PTPRD: variants seen among roughly 807,000 people sequenced by gnomAD.
PTPRD encodes the protein protein tyrosine phosphatase receptor type D.
In PTPRD, 34 loss-of-function variants were observed where a neutral mutation model predicts 214.5. The observed-to-expected ratio is 0.16, with a 90% CI of 0.12 to 0.21. The LOEUF is 0.21. Among genes scored for constraint, PTPRD ranks in the 10% least tolerant of loss-of-function variants. The pLI, the probability that PTPRD is intolerant of heterozygous loss-of-function variation, is 1.00. For missense variants in PTPRD, 2,545 were observed against 2,398.7 expected, an observed-to-expected ratio of 1.06 and a Z score of -1.27; for synonymous variants, 1,128 against 845.7, an observed-to-expected ratio of 1.33 and a Z score of -5.79.
At chr9:9,831,931 C>A (rs764520912) in intron 5 of PTPRD, among the ~76,000 whole-genome samples, 27 of 151,770 alleles carry the variant, frequency 1.8e-4, no homozygotes, top group Non-Finnish European at 3.5e-4. Flanking sequence ...AAATGTGGAC[C>A]CAACCGCGAA....
At position 8,524,846 on chromosome 9, in the gene PTPRD, T is replaced by C. The variant is rs531171857; in HGVS notation, c.679+79A>G. The C allele has an allele frequency of 1.7e-4, 198 of 1,167,916 alleles. No homozygotes were observed. In the African/African-American group the frequency reaches 2.7e-3, roughly 16 times the overall value. 72.3% of individuals were successfully genotyped at this position (1,167,916 alleles called of 1,614,324 possible). A position where few individuals can be genotyped will look rare whatever the true frequency, so the allele number is the denominator to read the frequency against. Reference sequence around the variant, plus strand: ...CAAACCAGCTTGTTAACTACTAATATAACAACACGGACCCTGCGGCGTCTC... The same window carrying C: ...CAAACCAGCTTGTTAACTACTAATACAACAACACGGACCCTGCGGCGTCTC... On this transcript the variant is annotated intron_variant, in intron 18 of 45. Transcript: ENST00000381196.
At chr9:9,562,546 A>G (rs1051397830) in intron 8 of PTPRD, among the ~76,000 whole-genome samples, 10 of 152,058 alleles carry the variant, frequency 6.6e-5, no homozygotes, top group African/African-American at 2.4e-4. Flanking sequence ...CTCTGTTACT[A>G]TTCTGACCTC....
rs1055909650 is a variant in PTPRD, at chr9:9,378,227, A to AATATC, written c.-203+19217_-203+19221dup. On this transcript the variant is annotated intron_variant, in intron 9 of 45. Transcript: ENST00000381196. ...AACCCCTGGCAACCACTGATCGTTAAATATCTCCATAATTTTGGCTTTTCC... is the reference window on the plus strand; with the variant it reads ...AACCCCTGGCAACCACTGATCGTTAAATATCATATCTCCATAATTTTGGCTTTTCC... Among the ~76,000 whole-genome samples the AATATC allele has an allele frequency of 9.4e-4, 143 of 152,258 alleles. 1 individual carries two copies. Among genetic ancestry groups the AATATC allele is most frequent in the Middle Eastern group, 3.4e-3 (1 of 294 alleles).
At chr9:9,837,326 C>G (rs974626390) in intron 5 of PTPRD, among the ~76,000 whole-genome samples, 2 of 152,098 alleles carry the variant, frequency 1.3e-5, no homozygotes, top group East Asian at 1.9e-4. Flanking sequence ...GAGATAGTTA[C>G]AATATCTAAC....
At chr9:9,887,616 C>T (rs1321410102) in intron 5 of PTPRD, among the ~76,000 whole-genome samples, 1 of 152,092 alleles carries the variant, frequency 6.6e-6, no homozygotes, top group East Asian at 1.9e-4. Flanking sequence ...GTACCATGTA[C>T]TCAGACAAAC....
intron 34 of PTPRD, among the ~76,000 whole-genome samples, chr9:8,441,661 C>T (rs1490972319): frequency 3.3e-5 from 5 of 152,126 alleles, no homozygotes; most frequent in Non-Finnish European, 5.9e-5. Flanking sequence ...CTAGATACTG[C>T]TTTGTGCTGG....
In PTPRD at chr9:10,569,531, C is replaced by CTCTCTG. The variant is rs145886189; in HGVS notation, c.-600+42866_-600+42867insCAGAGA. Among the ~76,000 whole-genome samples, 17 of 149,384 alleles carry CTCTCTG rather than the reference C, an allele frequency of 1.1e-4. No individual in the cohort carries two copies. In the South Asian group the frequency reaches 2.3e-3, roughly 20 times the overall value. Reference sequence around the variant, plus strand: ...TCTCTCTCTCTCTCTCTCTCTCTCTCTGTGTGTATATATATATACAGGCTT... The same window carrying CTCTCTG: ...TCTCTCTCTCTCTCTCTCTCTCTCTCTCTCTGTGTGTGTATATATATATACAGGCTT... On this transcript the variant is annotated intron_variant, in intron 2 of 45. Coordinates refer to ENST00000381196, the MANE Select transcript of PTPRD (RefSeq NM_002839.4).
At chr9:9,331,680 G>C (rs1465792189) in intron 9 of PTPRD, among the ~76,000 whole-genome samples, 1 of 152,024 alleles carries the variant, frequency 6.6e-6, no homozygotes, top group African/African-American at 2.4e-5. Context: ...ATACACGCAG[G>C]TAACATTTAC....
intron 11 of PTPRD, among the ~76,000 whole-genome samples, chr9:9,007,756 C>T (rs2099485639): frequency 7.2e-6 from 1 of 138,516 alleles, no homozygotes; most frequent in Admixed American, 7.3e-5. Context: ...TTGTGGTTTA[C>T]ACCCCCCAAA....
intron 39 of PTPRD, among the ~76,000 whole-genome samples, chr9:8,372,855 C>T (rs950783712): frequency 1.3e-5 from 2 of 151,954 alleles, no homozygotes; most frequent in South Asian, 2.1e-4. Context: ...CTGTACTGCA[C>T]CGCCAGCCTG....
intron 3 of PTPRD, among the ~76,000 whole-genome samples, chr9:10,152,276 A>C (rs542608465): frequency 6.6e-6 from 1 of 152,280 alleles, no homozygotes; most frequent in Non-Finnish European, 1.5e-5. Context: ...AGTGAAAAAT[A>C]ATTTTGAATA....
At chr9:9,007,847 A>C (rs1482838890) in intron 11 of PTPRD, among the ~76,000 whole-genome samples, 1 of 128,884 alleles carries the variant, frequency 7.8e-6, no homozygotes, top group Non-Finnish European at 1.7e-5. Flanking sequence ...TGTCTGTTAT[A>C]CTTAAAGCTA....
At chr9:8,600,912 C>T (rs891618385) in intron 14 of PTPRD, among the ~76,000 whole-genome samples, 1 of 152,036 alleles carries the variant, frequency 6.6e-6, no homozygotes. Flanking sequence ...CTTTGTCTTG[C>T]ACCTGAGGTA....
At position 10,386,291 on chromosome 9, in the gene PTPRD, C is replaced by T. The variant is rs141143404; in HGVS notation, c.-599-45274G>A. Reference sequence around the variant, plus strand: ...TATTTTTCTGTAGAAACAGAAATTTCCCCTCCTTTCCACATTGCTATACAA... The same window carrying T: ...TATTTTTCTGTAGAAACAGAAATTTTCCCTCCTTTCCACATTGCTATACAA... On this transcript the variant is annotated intron_variant, in intron 2 of 45. Coordinates refer to ENST00000381196, the MANE Select transcript of PTPRD (RefSeq NM_002839.4). Among the ~76,000 whole-genome samples the T allele has an allele frequency of 8.8e-3, 1,334 of 151,960 alleles. 10 individuals are homozygous for T. Among genetic ancestry groups the T allele is most frequent in the Non-Finnish European group, 0.011 (753 of 67,890 alleles).
chr9:9,250,397 C>G (rs528022285), intron 9 of PTPRD, among the ~76,000 whole-genome samples: 3 of 152,032 alleles, frequency 2.0e-5, no homozygotes, highest in Non-Finnish European at 4.4e-5. Flanking sequence ...GAGTAAATCT[C>G]TCAGAGGGTA....
intron 2 of PTPRD, among the ~76,000 whole-genome samples, chr9:10,498,522 T>A (rs989640528): frequency 1.3e-5 from 2 of 151,894 alleles, no homozygotes; most frequent in Admixed American, 1.3e-4. Flanking sequence ...TCTCTTTTAT[T>A]TCAAATATCT....
intron 2 of PTPRD, among the ~76,000 whole-genome samples, chr9:10,414,765 G>A (rs906053264): frequency 1.3e-5 from 2 of 151,800 alleles, no homozygotes; most frequent in Admixed American, 1.3e-4. Flanking sequence ...GCCATAAAAA[G>A]AATGAGATCA....
At chr9:8,974,776 T>C (rs748782742) in intron 11 of PTPRD, among the ~76,000 whole-genome samples, 16 of 152,016 alleles carry the variant, frequency 1.1e-4, no homozygotes, top group Non-Finnish European at 2.2e-4. Flanking sequence ...ATACCACTAA[T>C]ATACATTAAC....
At chr9:9,446,200 T>C (rs2144838484) in intron 8 of PTPRD, among the ~76,000 whole-genome samples, 1 of 152,290 alleles carries the variant, frequency 6.6e-6, no homozygotes, top group Admixed American at 6.5e-5. Flanking sequence ...CAAGAAAGAC[T>C]ACACTTAAGA....
Sources: allele counts gnomAD v4.1 joint callset (sites outside exome capture counted in the v4.1 genomes callset), GRCh38; gene constraint gnomAD v4.1.1; transcripts MANE v1.5; gene names NCBI Gene and HGNC (gene_info 2026-07-23, HGNC 2026-07-21).